Variants in MDGA2 observed in about 807,000 individuals in gnomAD.
The protein encoded by MDGA2 is MAM domain-containing glycosylphosphatidylinositol anchor protein 2.
MDGA2 carries 40 observed loss-of-function variants against 117.8 expected under a neutral mutation model. That is an observed-to-expected ratio of 0.34 (90% confidence interval 0.26 to 0.44). The LOEUF (loss-of-function observed/expected upper bound fraction) is 0.44, where lower values mean the gene tolerates loss of function less well. MDGA2 is among the 20% of genes least tolerant of loss of function. MDGA2 has a pLI of 1.00. For synonymous variants in MDGA2, 452 were observed against 439.0 expected (o/e 1.03, Z -0.37); for missense variants, 1,123 against 1,250.6 (o/e 0.90, Z 1.54).
At chr14:47,492,966 A>C (rs1176737422) in intron 1 of MDGA2, among the ~76,000 whole-genome samples, 1 of 152,070 alleles carries the variant, frequency 6.6e-6, no homozygotes, top group Non-Finnish European at 1.5e-5. Context: ...GTTTCATTTT[A>C]TTATTTTCTC....
intron 1 of MDGA2, among the ~76,000 whole-genome samples, chr14:47,358,575 C>CA (rs1164514292): frequency 1.3e-5 from 2 of 152,134 alleles, no homozygotes; most frequent in African/African-American, 4.8e-5. Flanking sequence ...CTAAAGACAG[C>CA]ACCAAAACCT....
intron 10 of MDGA2, among the ~76,000 whole-genome samples, chr14:46,882,840 G>C (rs1322192398): frequency 1.3e-5 from 2 of 151,860 alleles, no homozygotes; most frequent in African/African-American, 4.8e-5. Context: ...TCCATAAGAA[G>C]AATGTTAGGA....
chr14:47,061,662 TGAAA>T lies in MDGA2; in HGVS notation c.1196-88_1196-85del, dbSNP rs1278737830. 4.4e-6 allele frequency: 5 copies of T among 1,130,634 alleles called. No homozygotes were observed. In the Admixed American group the frequency reaches 1.4e-4, roughly 31 times the overall value. 70.0% of individuals were successfully genotyped at this position (1,130,634 alleles called of 1,614,324 possible). On this transcript the variant is annotated intron_variant, in intron 6 of 16. Coordinates refer to ENST00000399232, the MANE Select transcript of MDGA2 (RefSeq NM_001113498.3). The stretch of plus-strand genomic sequence containing the variant: ...TAACTGTAGATAATCATCTCTGAGC[TGAAA>T]TAAAGTAAAACCAAATAAAGTGTAC...
intron 2 of MDGA2, among the ~76,000 whole-genome samples, chr14:47,269,256 C>G (rs565140224): frequency 1.2e-3 from 178 of 152,182 alleles, no homozygotes; most frequent in African/African-American, 4.2e-3. Flanking sequence ...AAAAGGGAAG[C>G]TATAGGCCCT....
At chr14:46,982,734 A>AAAAAAAAAAAAAAAAAAATAAT (rs1449356596) in intron 8 of MDGA2, among the ~76,000 whole-genome samples, 1 of 130,326 alleles carries the variant, frequency 7.7e-6, no homozygotes, top group Non-Finnish European at 1.7e-5. Context: ...AAAAAAAAAA[A>AAAAAAAAAAAAAAAAAAATAAT]AATCATGTCA....
intron 8 of MDGA2, among the ~76,000 whole-genome samples, chr14:47,011,672 C>T (rs1887899961): frequency 6.6e-6 from 1 of 151,790 alleles, no homozygotes; most frequent in African/African-American, 2.4e-5. Flanking sequence ...CTGTTAAATG[C>T]ATATTTGTAA....
At chr14:46,911,621 A>G (rs1311365788) in intron 10 of MDGA2, among the ~76,000 whole-genome samples, 5 of 152,192 alleles carry the variant, frequency 3.3e-5, no homozygotes, top group Non-Finnish European at 7.4e-5. Context: ...ATTGAGAATG[A>G]TGATTGATTC....
chr14:47,236,278 G>A (rs113526145), intron 2 of MDGA2, among the ~76,000 whole-genome samples: 5,423 of 121,750 alleles, frequency 0.045, 108 homozygotes, highest in Middle Eastern at 0.068. Flanking sequence ...GTGACAGAGC[G>A]AGACTCCGCC....
At chr14:47,397,150 CA>C (rs201919371) in intron 1 of MDGA2, among the ~76,000 whole-genome samples, 91 of 151,146 alleles carry the variant, frequency 6.0e-4, no homozygotes, top group East Asian at 4.7e-3. Flanking sequence ...ACTATGCAGC[CA>C]AAAAAAAGGA....
intron 1 of MDGA2, among the ~76,000 whole-genome samples, chr14:47,318,834 T>C (rs1199305339): frequency 4.4e-5 from 3 of 68,094 alleles, no homozygotes; most frequent in Non-Finnish European, 1.0e-4. Context: ...AGGAAGGAAA[T>C]AGAGAAGTTA....
In MDGA2 at chr14:47,228,167, TA is replaced by T. The variant is rs528073545; in HGVS notation, c.421-9973del. Among the ~76,000 whole-genome samples, 223 of 151,442 alleles carry T rather than the reference TA, an allele frequency of 1.5e-3. 2 individuals are homozygous for T. The highest frequency in any genetic ancestry group is 4.7e-3 in the African/African-American group (196 of 41,334). On this transcript the variant is annotated intron_variant, in intron 2 of 16. Coordinates refer to ENST00000399232, the MANE Select transcript of MDGA2 (RefSeq NM_001113498.3). ...AACATACTAGTATTTATCTTAGTTA[TA>T]AAAAAAAATACTGGATCTGTGATAG...
chr14:47,423,679 A>C (rs778128011), intron 1 of MDGA2, among the ~76,000 whole-genome samples: 11 of 152,194 alleles, frequency 7.2e-5, no homozygotes, highest in Non-Finnish European at 1.6e-4. Context: ...TTTAAGAATC[A>C]TGTGATAGAA....
rs1409689436 is a variant in MDGA2, at chr14:47,021,766, T to G, written c.1819+13245A>C. 2.0e-5 allele frequency among the ~76,000 whole-genome samples: 3 copies of G among 152,156 alleles called. No homozygotes were observed. In the East Asian group the frequency reaches 5.8e-4, roughly 29 times the overall value. ...CTTAGAGACCATCATACTAAGCCCT[T>G]TATTTGCATAGAAAATTTGATGGTA... On this transcript the variant is annotated intron_variant, in intron 8 of 16. Transcript: ENST00000399232.
intron 3 of MDGA2, among the ~76,000 whole-genome samples, chr14:47,213,535 A>T (rs931695595): frequency 6.6e-6 from 1 of 151,966 alleles, no homozygotes; most frequent in Non-Finnish European, 1.5e-5. Flanking sequence ...ACTGTTTGGA[A>T]CTCTTATTAT....
At chr14:47,644,986 G>A (rs1897498197) in intron 1 of MDGA2, among the ~76,000 whole-genome samples, 1 of 152,156 alleles carries the variant, frequency 6.6e-6, no homozygotes, top group Non-Finnish European at 1.5e-5. Flanking sequence ...AAGGAATGCA[G>A]GCAGCCACTA....
chr14:47,394,009 C>G (rs1594834580), intron 1 of MDGA2, among the ~76,000 whole-genome samples: 1 of 152,068 alleles, frequency 6.6e-6, no homozygotes, highest in East Asian at 1.9e-4. Flanking sequence ...TAATCATGTT[C>G]TCCAAATACA....
intron 1 of MDGA2, among the ~76,000 whole-genome samples, chr14:47,668,141 A>G (rs1176824086): frequency 6.6e-6 from 1 of 152,220 alleles, no homozygotes; most frequent in Non-Finnish European, 1.5e-5. Flanking sequence ...AATTCAATCA[A>G]TGAAATCAGC....
chr14:47,428,131 C>T (rs1441110737), intron 1 of MDGA2, among the ~76,000 whole-genome samples: 1 of 151,998 alleles, frequency 6.6e-6, no homozygotes, highest in Non-Finnish European at 1.5e-5. Context: ...TATTCTTTAT[C>T]CCACTTCAAA....
chr14:47,054,728 A>C (rs1889606299), intron 7 of MDGA2, among the ~76,000 whole-genome samples: 1 of 151,722 alleles, frequency 6.6e-6, no homozygotes, highest in Non-Finnish European at 1.5e-5. Context: ...TCTTTGACAA[A>C]CCTGACAAAA....
Sources: allele counts gnomAD v4.1 joint callset (sites outside exome capture counted in the v4.1 genomes callset), GRCh38; gene constraint gnomAD v4.1.1; transcripts MANE v1.5; gene names NCBI Gene and HGNC (gene_info 2026-07-23, HGNC 2026-07-21).